The following CIMIP1 variants were observed in gnomAD, a reference collection of about 807,000 sequenced individuals.
The protein encoded by CIMIP1 is low in lung cancer 1.
At chr20:58,152,483 G>A in the CIMIP1 span, among the ~76,000 whole-genome samples, 3 of 151,948 alleles carry the variant, frequency 2.0e-5, no homozygotes, top group African/African-American at 4.8e-5. Flanking sequence ...GCTCACACCT[G>A]TAATCCCAGC....
the CIMIP1 span, among the ~76,000 whole-genome samples, chr20:58,152,651 G>A: frequency 6.7e-6 from 1 of 149,140 alleles, no homozygotes; most frequent in Non-Finnish European, 1.5e-5. Context: ...GAACCCAGGA[G>A]GCGGAGGTTG....
At chr20:58,154,021 TGA>T in the CIMIP1 span, among the ~76,000 whole-genome samples, 9 of 152,222 alleles carry the variant, frequency 5.9e-5, no homozygotes, top group Non-Finnish European at 2.9e-5. Context: ...TAAAGTGGGA[TGA>T]GAGTCCTCAC....
the CIMIP1 span, chr20:58,153,659 G>A: frequency 7.2e-7 from 1 of 1,389,200 alleles, no homozygotes; most frequent in South Asian, 1.2e-5. Context: ...CAAGGTTACA[G>A]AATCAATCAT....
chr20:58,156,251 G>C, the CIMIP1 span, among the ~76,000 whole-genome samples: 1 of 152,176 alleles, frequency 6.6e-6, no homozygotes, highest in Non-Finnish European at 1.5e-5. Context: ...CCGGTGGTGT[G>C]TCACAGGATA....
At chr20:58,153,008 G>C in the CIMIP1 span, among the ~76,000 whole-genome samples, 1 of 152,260 alleles carries the variant, frequency 6.6e-6, no homozygotes, top group Middle Eastern at 3.4e-3. Flanking sequence ...AATGTGGCAC[G>C]TGGGCTCGTC....
the CIMIP1 span, chr20:58,161,052 G>T: frequency 1.3e-5 from 5 of 376,592 alleles, no homozygotes; most frequent in Non-Finnish European, 2.3e-5. Context: ...AATGAATAAG[G>T]CTTCTCTCAT....
the CIMIP1 span, among the ~76,000 whole-genome samples, chr20:58,152,716 C>A: frequency 1.2e-5 from 1 of 84,908 alleles, no homozygotes; most frequent in African/African-American, 4.7e-5. Context: ...AAAGGCGAAA[C>A]TCCATCAAAA....
the CIMIP1 span, among the ~76,000 whole-genome samples, chr20:58,154,788 C>T: frequency 6.6e-6 from 1 of 152,044 alleles, no homozygotes; most frequent in African/African-American, 2.4e-5. Context: ...GTCCTGAAAA[C>T]TTTTTGGCAT....
At chr20:58,151,574 G>A in the CIMIP1 span, among the ~76,000 whole-genome samples, 8 of 151,964 alleles carry the variant, frequency 5.3e-5, no homozygotes, top group Non-Finnish European at 1.2e-4. Flanking sequence ...CACCACACCC[G>A]GCTAATGTTT....
the CIMIP1 span, chr20:58,160,918 C>T: frequency 7.3e-7 from 1 of 1,374,760 alleles, no homozygotes; most frequent in African/African-American, 1.4e-5. Context: ...ATCCCGAGGA[C>T]ACAGTCCCCT....
the CIMIP1 span, chr20:58,155,685 G>GCA: frequency 7.6e-6 from 6 of 788,418 alleles, no homozygotes; most frequent in South Asian, 1.0e-4. Flanking sequence ...GAAGGTAAGA[G>GCA]CACAGCAGTG....
At chr20:58,152,770 T>C in the CIMIP1 span, among the ~76,000 whole-genome samples, 10 of 151,994 alleles carry the variant, frequency 6.6e-5, no homozygotes, top group South Asian at 2.1e-3. Context: ...TATTCTTATG[T>C]TCTTTTTAAT....
chr20:58,160,669 A>C, the CIMIP1 span: 1 of 1,613,150 alleles, frequency 6.2e-7, no homozygotes, highest in Non-Finnish European at 8.5e-7. Flanking sequence ...AGGTCTTTCC[A>C]TCCCCCCCAG....
the CIMIP1 span, chr20:58,160,670 TC>T: frequency 1.3e-5 from 21 of 1,610,382 alleles, no homozygotes; most frequent in Admixed American, 8.4e-5. Context: ...GGTCTTTCCA[TC>T]CCCCCCAGTC....
At chr20:58,152,416 G>A in the CIMIP1 span, among the ~76,000 whole-genome samples, 6 of 137,616 alleles carry the variant, frequency 4.4e-5, no homozygotes, top group South Asian at 6.0e-4. Flanking sequence ...GACAAATTAC[G>A]ATGATTTATT....
chr20:58,156,392 C>T, the CIMIP1 span, among the ~76,000 whole-genome samples: 1 of 151,956 alleles, frequency 6.6e-6, no homozygotes, highest in African/African-American at 2.4e-5. Flanking sequence ...AGAACACAGG[C>T]TGCTATGTTT....
the CIMIP1 span, among the ~76,000 whole-genome samples, chr20:58,154,093 C>T: frequency 6.6e-6 from 1 of 152,210 alleles, no homozygotes; most frequent in African/African-American, 2.4e-5. Flanking sequence ...CCTCACCTGG[C>T]CTGGAGGCCA....
the CIMIP1 span, among the ~76,000 whole-genome samples, chr20:58,157,271 T>C: frequency 3.9e-5 from 6 of 152,284 alleles, 1 homozygote; most frequent in South Asian, 1.2e-3. Flanking sequence ...TTACTTCCAC[T>C]GCAGCCCCGG....
At chr20:58,158,433 G>A in the CIMIP1 span, among the ~76,000 whole-genome samples, 3 of 152,176 alleles carry the variant, frequency 2.0e-5, no homozygotes, top group Admixed American at 6.5e-5. Context: ...GGCGGATCAC[G>A]AGGTCAGGAG....
Sources: gnomAD v4.1 joint callset for allele counts (sites outside exome capture counted in the v4.1 genomes callset) on GRCh38, gnomAD v4.1.1 for gene constraint, MANE v1.5 for transcripts, NCBI Gene and HGNC (gene_info 2026-07-23, HGNC 2026-07-21) for gene names.